PCNX3: variants seen among roughly 807,000 people sequenced by gnomAD.
The protein encoded by PCNX3 is pecanex 3.
Under a neutral mutation model 207.2 loss-of-function variants are expected in PCNX3, and 58 were observed. That is an observed-to-expected ratio of 0.28 (90% CI 0.23 to 0.35). The LOEUF (loss-of-function observed/expected upper bound fraction) is 0.35. PCNX3 is among the 10% of genes least tolerant of loss of function. The pLI is 1.00. For missense variants in PCNX3, 2,410 were observed against 2,774.4 expected (o/e 0.87, Z 2.95); for synonymous variants, 1,337 against 1,183.5 (o/e 1.13, Z -2.66).
Position 65,624,188 on chromosome 11 carries a change from C to A in PCNX3, c.2545-7C>A. 1.9e-6 allele frequency: 3 copies of A among 1,600,552 alleles called. No individual in the cohort carries two copies. Among genetic ancestry groups the A allele is most frequent in the Non-Finnish European group, 2.6e-6 (3 of 1,175,566 alleles). Reference sequence around the variant, plus strand: ...GAGACCCAGCTCCTCATGGGCTGACCCCTCAGGGCCACAACTGGGTGATCG... The same window carrying A: ...GAGACCCAGCTCCTCATGGGCTGACACCTCAGGGCCACAACTGGGTGATCG... On this transcript the variant is annotated splice_region_variant and splice_polypyrimidine_tract_variant and intron_variant, in intron 13 of 34. Transcript: ENST00000355703.
rs772112071 is a variant in PCNX3, at chr11:65,624,944, G to A, written c.2847G>A (p.Thr949=). 212 of 1,611,060 alleles carry A rather than the reference G, an allele frequency of 1.3e-4. No homozygotes were observed. Among genetic ancestry groups the A allele is most frequent in the Admixed American group, 4.0e-4 (24 of 59,746 alleles). The change falls in exon 16 of 35, where the codon ACG becomes ACA. Residue 949 remains threonine (T), a synonymous_variant. Transcript: ENST00000355703. ...FGGTAATSPL[T]AVFSLSRSLL... ...ACACAGCTGCCACCAGCCCGCTCAC[G>A]GCAGTCTTCAGCCTCTCCCGCAGCC... is the stretch of plus-strand genomic sequence containing the variant.
chr11:65,636,512 A>AC lies in PCNX3; in HGVS notation c.5720dup (p.Ala1908CysfsTer23). 1 of 1,581,066 alleles carries AC rather than the reference A, an allele frequency of 6.3e-7. No individual in the cohort carries two copies. Among genetic ancestry groups the AC allele is most frequent in the Non-Finnish European group, 8.6e-7 (1 of 1,165,586 alleles). ...GGCCTCCCCCTCGGCTCCCTGGACC[A>AC]CCCCCTGCATCGCCTATCCCCACAG... is the stretch of plus-strand genomic sequence containing the variant. On this transcript the variant is annotated frameshift_variant, in exon 34 of 35. Transcript: ENST00000355703. LOFTEE classifies it high-confidence loss of function.
intron 1 of PCNX3, 100 bp downstream of exon 1, chr11:65,616,564 G>A (rs1216064434): frequency 2.3e-5 from 31 of 1,363,702 alleles, no homozygotes; most frequent in East Asian, 1.4e-4. Flanking sequence ...GGAGAGAGAG[G>A]AATCACTGCA....
intron 22 of PCNX3, 96 bp from the exon 23 acceptor site, chr11:65,628,499 G>A (rs1430277288): frequency 4.1e-6 from 5 of 1,212,984 alleles, no homozygotes; most frequent in Non-Finnish European, 5.9e-6. Context: ...GGCCAAGCCA[G>A]TGCGATGACC....
intron 27 of PCNX3, among the ~76,000 whole-genome samples, chr11:65,633,142 C>T (rs1855682201): frequency 6.6e-6 from 1 of 152,222 alleles, no homozygotes; most frequent in African/African-American, 2.4e-5. Context: ...CGGGTCTGCC[C>T]TGGCAAAGGG....
Position 65,618,522 on chromosome 11 carries a change from C to T in PCNX3, c.1160C>T (p.Ala387Val). The T allele has an allele frequency of 6.2e-7, 1 of 1,611,250 alleles. No homozygotes were observed. Among genetic ancestry groups the T allele is most frequent in the Non-Finnish European group, 8.5e-7 (1 of 1,179,172 alleles). Residue 387 changes from alanine (A) to valine (V), a missense_variant, in exon 6 of 35, where the codon GCC (alanine) becomes GTC (valine). Ala to Val is a moderately conservative substitution (Grantham distance 64). Coordinates refer to ENST00000355703, the MANE Select transcript of PCNX3 (RefSeq NM_032223.4). ...CTGGTCGTGCGGCCCAAGGACTTGG[C>T]CCTGCTACGGCCTAGCAAACGGCAG... is the stretch of plus-strand genomic sequence containing the variant. ...PLLVVRPKDLALLRPSKRQPP... is the reference protein window; with the variant it reads ...PLLVVRPKDLVLLRPSKRQPP...
Position 65,625,276 on chromosome 11 carries a change from C to T in PCNX3, c.3025C>T (p.Leu1009Phe), listed in dbSNP as rs907397748. 1.2e-6 allele frequency: 2 copies of T among 1,606,984 alleles called. No homozygotes were observed. The highest frequency in any genetic ancestry group is 1.1e-5 in the South Asian group (1 of 90,894). Residue 1009 changes from leucine (L) to phenylalanine (F), a missense_variant, in exon 17 of 35, where the codon CTC (leucine) becomes TTC (phenylalanine). Coordinates refer to ENST00000355703, the MANE Select transcript of PCNX3 (RefSeq NM_032223.4). This position sits in a 1 kb window ranked among gnomAD's most constrained non-coding sequence, Gnocchi z 5.6. The part of the protein sequence containing the change: ...LSRQSSDPTV[L>F]WSLIRSKLFP... The stretch of plus-strand genomic sequence containing the variant: ...CCGGCAGAGCAGCGACCCCACCGTG[C>T]TCTGGTGGGTGTGCTCCGGGTCGTG...
In PCNX3 at chr11:65,625,068, G is replaced by C; in HGVS notation, c.2919+52G>C. On this transcript the variant is annotated intron_variant, in intron 16 of 34. Coordinates refer to ENST00000355703, the MANE Select transcript of PCNX3 (RefSeq NM_032223.4). This position sits in a 1 kb window ranked among gnomAD's most constrained non-coding sequence, Gnocchi z 5.6. ...ATGCTGCAGTGCGTAAGGGTGGTTGGGGCGGGGCTGTGAACTGGGCTCAGC... is the reference window on the plus strand; with the variant it reads ...ATGCTGCAGTGCGTAAGGGTGGTTGCGGCGGGGCTGTGAACTGGGCTCAGC... 1 of 1,578,564 alleles carries C rather than the reference G, an allele frequency of 6.3e-7. No homozygotes were observed. The highest frequency in any genetic ancestry group is 8.6e-7 in the Non-Finnish European group (1 of 1,157,548).
At chr11:65,628,996 G>T in intron 24 of PCNX3, 48 bp downstream of exon 24, 1 of 1,599,304 alleles carries the variant, frequency 6.3e-7, no homozygotes. Context: ...CAGGAAGGGA[G>T]AGGTTTGGAG....
chr11:65,637,151 CT>C lies in PCNX3; in HGVS notation c.*174del, dbSNP rs1356976247. 2.1e-5 allele frequency: 15 copies of C among 701,812 alleles called. No homozygotes were observed. In the East Asian group the frequency reaches 3.8e-4, roughly 18 times the overall value. 43.5% of individuals were successfully genotyped at this position (701,812 alleles called of 1,614,324 possible). On this transcript the variant is annotated 3_prime_UTR_variant, in exon 35 of 35. Transcript: ENST00000355703. The stretch of plus-strand genomic sequence containing the variant: ...TGACCCAGACCTCTGACCTTGACCC[CT>C]GATCTCTCTCATCCCCAGTCCAGGG...
intron 23 of PCNX3, 54 bp downstream of exon 23, chr11:65,628,757 A>C: frequency 2.4e-6 from 1 of 423,802 alleles, no homozygotes; most frequent in African/African-American, 8.6e-5. Context: ...GGCCTGGGGC[A>C]GTGGGGGGTG....
chr11:65,622,619 G>A (rs1216846716), intron 11 of PCNX3, among the ~76,000 whole-genome samples: 1 of 152,124 alleles, frequency 6.6e-6, no homozygotes, highest in Non-Finnish European at 1.5e-5. Context: ...TTTTTGAGAC[G>A]GAGTCTCTCT....
intron 6 of PCNX3, 195 bp downstream of exon 6, chr11:65,619,262 A>G (rs1854937540): frequency 5.8e-6 from 2 of 342,910 alleles, no homozygotes; most frequent in Non-Finnish European, 8.2e-6. Context: ...CTGGCTCCAC[A>G]TCCTTGATTA....
rs1445986348 is a variant in PCNX3, at chr11:65,620,944, G to A, written c.2213G>A (p.Arg738Gln). 5.8e-6 allele frequency: 9 copies of A among 1,549,764 alleles called. No homozygotes were observed. Among genetic ancestry groups the A allele is most frequent in the Non-Finnish European group, 6.1e-6 (7 of 1,146,834 alleles). ...PVVLQGMQVR[R>Q]VPLEIPEEQT... is the part of the protein sequence containing the mutation. ...GTTCTGCAGGGCATGCAGGTGCGCC[G>A]GGTGCCCCTGGAGATCCCGGAGGTG... The change falls in exon 10 of 35, where the codon CGG becomes CAG. Residue 738 changes from arginine to glutamine, a missense_variant. This residue lies in a region of PCNX3 where 177 missense variants were observed against 257.5 expected (regional missense o/e 0.69). Transcript: ENST00000355703.
chr11:65,621,075 C>T (rs1855068902), intron 10 of PCNX3, 109 bp downstream of exon 10: 5 of 1,394,610 alleles, frequency 3.6e-6, no homozygotes, highest in Non-Finnish European at 4.7e-6. Context: ...GAGGGACGGG[C>T]AGTGCTGAGT....
At chr11:65,634,720 C>A in intron 29 of PCNX3, 79 bp downstream of exon 29, 1 of 1,356,486 alleles carries the variant, frequency 7.4e-7, no homozygotes, top group Non-Finnish European at 1.0e-6. Flanking sequence ...GGTCTCTGGC[C>A]ACAGTGGCCA....
At chr11:65,626,527 C>G in intron 20 of PCNX3, 1 of 414,026 alleles carries the variant, frequency 2.4e-6, no homozygotes, top group Non-Finnish European at 4.5e-6. Context: ...GCTTCCCAGA[C>G]TAGCATCCCT....
rs759035412 is a variant in PCNX3 at position 65,618,324 on chromosome 11, C to T, written c.962C>T (p.Thr321Ile). ...SSFKSEKTNSTHLDSPPGGPA... is the reference protein window; with the variant it reads ...SSFKSEKTNSIHLDSPPGGPA... ...TTCAAGAGTGAGAAGACCAACTCCA[C>T]CCATCTGGACAGCCCCCCAGGGGGG... Residue 321 changes from threonine (T) to isoleucine (I), a missense_variant, in exon 6 of 35, where the codon ACC becomes ATC. Physicochemically the swap from Thr to Ile is moderately conservative, Grantham distance 89 (BLOSUM62 -1). This residue lies in a region of PCNX3 where 1,104 missense variants were observed against 970.3 expected (regional missense o/e 1.14). Transcript: ENST00000355703. 9.3e-6 allele frequency: 15 copies of T among 1,609,712 alleles called. No individual in the cohort carries two copies. The highest frequency in any genetic ancestry group is 2.7e-5 in the African/African-American group (2 of 74,870).
Position 65,625,424 on chromosome 11 carries a change from C to T in PCNX3, c.3049C>T (p.Leu1017=), listed in dbSNP as rs1359455856. ...TVLWSLIRSK[L]FPELEERSLE... ...CCCCAGGTCTCTGATCCGGAGCAAG[C>T]TGTTCCCTGAGCTGGAGGAGCGCAG... The change falls in exon 18 of 35, where the codon CTG becomes TTG. Residue 1017 remains leucine (L), a synonymous_variant. Transcript: ENST00000355703. This position sits in a 1 kb window ranked among gnomAD's most constrained non-coding sequence, Gnocchi z 5.6. The T allele has an allele frequency of 6.2e-7, 1 of 1,605,198 alleles. No individual in the cohort carries two copies. The highest frequency in any genetic ancestry group is 1.7e-5 in the Admixed American group (1 of 59,970).
Sources: gnomAD v4.1 joint callset for allele counts (sites outside exome capture counted in the v4.1 genomes callset) on GRCh38, gnomAD v4.1.1 for gene constraint, gnomAD v4.1.1 regional missense constraint, Gnocchi (gnomAD v3.1) non-coding constraint, MANE v1.5 for transcripts, NCBI Gene and HGNC (gene_info 2026-07-23, HGNC 2026-07-21) for gene names.